The following CANT1 variants were observed in gnomAD, a reference collection of about 807,000 sequenced individuals.
CANT1 encodes the protein soluble calcium-activated nucleotidase 1.
A neutral mutation model predicts 30.0 loss-of-function variants in CANT1; 26 were observed. The ratio of observed to expected loss-of-function variants is 0.87; its 90% confidence interval spans 0.64 to 1.20. The LOEUF (loss-of-function observed/expected upper bound fraction) is 1.20, where lower values mean the gene tolerates loss of function less well. Among genes scored for constraint, CANT1 ranks in the 50% most tolerant of loss-of-function variants. The probability of loss-of-function intolerance (pLI) is 0.00; values close to 1 mark genes in which losing one functional copy is unlikely to be tolerated. For missense variants in CANT1, 518 were observed against 563.0 expected (o/e 0.92, Z 0.81); for synonymous variants, 246 against 251.8 (o/e 0.98, Z 0.22).
At chr17:79,000,226 G>A (rs1225362042) in intron 1 of CANT1, 3 of 152,228 alleles carry the variant, frequency 2.0e-5, no homozygotes, top group Admixed American at 6.5e-5. Flanking sequence ...CGTGTCCACA[G>A]TGGTCTGGTT....
intron 1 of CANT1, chr17:79,000,390 C>CA (rs2071213039): frequency 6.5e-6 from 1 of 152,878 alleles, no homozygotes; most frequent in African/African-American, 2.4e-5. Flanking sequence ...TGTCCTCTTC[C>CA]ATGGCCCTTC....
rs367715703 is a variant in CANT1, at chr17:78,997,008, G to A, written c.615C>T (p.Asp205=). Residue 205 remains aspartate, a synonymous_variant, in exon 3 of 5, where the codon GAC becomes GAT. Transcript: ENST00000392446. The surrounding 1 kb of genome is among the most constrained non-coding windows in gnomAD (Gnocchi z 7.5). ...AVPWVILSDG[D]GTVEKGFKAE... ...TCCAGTTACCTTTCTCCACGGTGCC[G>A]TCGCCGTCGGACAGAATCACCCAGG... The A allele has an allele frequency of 2.5e-5, 40 of 1,614,000 alleles. No individual in the cohort carries two copies. Among genetic ancestry groups the A allele is most frequent in the Non-Finnish European group, 3.1e-5 (37 of 1,180,042 alleles).
Position 78,991,844 on chromosome 17 carries a change from C to T in CANT1, c.*1706G>A, listed in dbSNP as rs1383386940. 4.3e-6 allele frequency: 1 copy of T among 230,424 alleles called. No individual in the cohort carries two copies. Among genetic ancestry groups the T allele is most frequent in the Admixed American group, 5.6e-5 (1 of 17,700 alleles). The allele number at this position is 230,424 out of a possible 1,614,324, so 14.3% of individuals were successfully genotyped here. On this transcript the variant is annotated 3_prime_UTR_variant, in exon 5 of 5. Transcript: ENST00000392446. ...GGTGAGCTTTAAAGTAATCGCAAAT[C>T]ACTGCCTATGCGAAGAGGCTGCTTC...
chr17:78,992,646 G>A lies in CANT1; in HGVS notation c.*904C>T, dbSNP rs1220594190. 1.8e-6 allele frequency: 1 copy of A among 568,572 alleles called. No homozygotes were observed. 35.2% of individuals were successfully genotyped at this position (568,572 alleles called of 1,614,324 possible). On this transcript the variant is annotated 3_prime_UTR_variant, in exon 5 of 5. Transcript: ENST00000392446. ...AGTCTTGAAAGGCATGAGGATTTCT[G>A]ACAGTTCCTAGAAAAAGGCAACATT...
At chr17:79,001,128 C>T (rs1423970059) in intron 1 of CANT1, among the ~76,000 whole-genome samples, 1 of 152,196 alleles carries the variant, frequency 6.6e-6, no homozygotes, top group African/African-American at 2.4e-5. Flanking sequence ...ACGGTGCTTG[C>T]CAGCACAGAA....
rs1275165760 is a variant in CANT1, at chr17:79,002,718, C to T, written c.-146-4755G>A. Among the ~76,000 whole-genome samples, 2 of 152,218 alleles carry T rather than the reference C, an allele frequency of 1.3e-5. No individual in the cohort carries two copies. The highest frequency in any genetic ancestry group is 4.8e-5 in the African/African-American group (2 of 41,468). ...GGTCAAGACCATCTCAAATCACCCTCCACAAAACTGACAGAATAATTTTTC... is the reference window on the plus strand; with the variant it reads ...GGTCAAGACCATCTCAAATCACCCTTCACAAAACTGACAGAATAATTTTTC... On this transcript the variant is annotated intron_variant, in intron 1 of 4. Coordinates refer to ENST00000392446, the MANE Select transcript of CANT1 (RefSeq NM_001159773.2). The surrounding 1 kb of genome is among the most constrained non-coding windows in gnomAD (Gnocchi z 4.0).
Position 78,997,090 on chromosome 17 carries a change from TAG to T in CANT1, c.531_532del (p.Tyr178LeufsTer4), listed in dbSNP as rs766493688. 7 of 1,613,958 alleles carry T rather than the reference TAG, an allele frequency of 4.3e-6. No individual in the cohort carries two copies. Among genetic ancestry groups the T allele is most frequent in the Non-Finnish European group, 5.1e-6 (6 of 1,180,014 alleles). On this transcript the variant is annotated frameshift_variant, in exon 3 of 5. Coordinates refer to ENST00000392446, the MANE Select transcript of CANT1 (RefSeq NM_001159773.2). LOFTEE classifies it high-confidence loss of function. The surrounding 1 kb of genome is among the most constrained non-coding windows in gnomAD (Gnocchi z 7.5). ...GACCCCCGTCCGGTCATCCACGGAG[TAG>T]AGTTTCCCATTGAAAACAATCAGGT...
intron 1 of CANT1, among the ~76,000 whole-genome samples, chr17:79,005,143 G>A (rs1214810419): frequency 3.9e-5 from 4 of 102,864 alleles, no homozygotes; most frequent in African/African-American, 1.9e-4. Context: ...GATTTAGGGA[G>A]GGGGGAGTTA....
chr17:79,003,975 G>T (rs1425538038), intron 1 of CANT1, among the ~76,000 whole-genome samples: 1 of 89,610 alleles, frequency 1.1e-5, no homozygotes, highest in Admixed American at 1.1e-4. Flanking sequence ...AGTTGGGGGG[G>T]AGTTAGGGAG....
chr17:78,994,047 C>T, intron 4 of CANT1, 127 bp from the exon 5 acceptor site: 3 of 1,276,668 alleles, frequency 2.3e-6, no homozygotes, highest in East Asian at 2.6e-5. Context: ...CACAGCAACC[C>T]GCCCCTCCCT....
At position 78,998,020 on chromosome 17, in the gene CANT1, G is replaced by A. The variant is rs1331491392; in HGVS notation, c.-146-57C>T. 2 of 254,496 alleles carry A rather than the reference G, an allele frequency of 7.9e-6. No individual in the cohort carries two copies. Among genetic ancestry groups the A allele is most frequent in the Admixed American group, 9.7e-5 (2 of 20,528 alleles). The allele number at this position is 254,496 out of a possible 1,614,324, so 15.8% of individuals were successfully genotyped here. A position where few individuals can be genotyped will look rare whatever the true frequency, so the allele number is the denominator to read the frequency against. ...GAGGGGAAGGCTGACGGGGTGAAGT[G>A]GGATAGGATCATAGACAGGGTACAG... On this transcript the variant is annotated intron_variant, in intron 1 of 4. Coordinates refer to ENST00000392446, the MANE Select transcript of CANT1 (RefSeq NM_001159773.2). The surrounding 1 kb of genome is among the most constrained non-coding windows in gnomAD (Gnocchi z 4.5).
chr17:79,009,258 T>C (rs1379775921), intron 1 of CANT1, among the ~76,000 whole-genome samples: 1 of 135,248 alleles, frequency 7.4e-6, no homozygotes. Context: ...AAGGGGGGTG[T>C]CCCACACTAA....
chr17:79,000,661 C>T (rs1336962045), intron 1 of CANT1, among the ~76,000 whole-genome samples: 1 of 152,222 alleles, frequency 6.6e-6, no homozygotes, highest in East Asian at 1.9e-4. Context: ...CGGCTGGCTA[C>T]ATAGACCTCC....
chr17:79,002,220 T>C lies in CANT1; in HGVS notation c.-146-4257A>G, dbSNP rs1054786220. ...TGGCCCAAGACAATTCTTCTTCCAA[T>C]GTGGCCCAGGGAAGCCAAAAGATTG... On this transcript the variant is annotated intron_variant, in intron 1 of 4. Coordinates refer to ENST00000392446, the MANE Select transcript of CANT1 (RefSeq NM_001159773.2). The surrounding 1 kb of genome is among the most constrained non-coding windows in gnomAD (Gnocchi z 4.0). 1.3e-5 allele frequency among the ~76,000 whole-genome samples: 2 copies of C among 152,190 alleles called. No individual in the cohort carries two copies. Among genetic ancestry groups the C allele is most frequent in the African/African-American group, 4.8e-5 (2 of 41,448 alleles).
At position 78,995,009 on chromosome 17, in the gene CANT1, G is replaced by T. The variant is rs746868917; in HGVS notation, c.835+9C>A. 5.1e-6 allele frequency: 8 copies of T among 1,558,686 alleles called. No individual in the cohort carries two copies. Among genetic ancestry groups the T allele is most frequent in the Non-Finnish European group, 6.9e-6 (8 of 1,152,804 alleles). On this transcript the variant is annotated intron_variant, in intron 4 of 4. Transcript: ENST00000392446. The surrounding 1 kb of genome is among the most constrained non-coding windows in gnomAD (Gnocchi z 5.7). ...AGCCACACTGTGGGCTGGGGCAGGC[G>T]TCTCTTACCTGGCGGCTGGATGCCG... is the stretch of plus-strand genomic sequence containing the variant.
Position 78,993,938 on chromosome 17 carries a change from G to A in CANT1, c.836-18C>T, listed in dbSNP as rs1259863674. The A allele has an allele frequency of 5.1e-6, 8 of 1,558,992 alleles. No homozygotes were observed. Among genetic ancestry groups the A allele is most frequent in the South Asian group, 2.3e-5 (2 of 86,000 alleles). On this transcript the variant is annotated intron_variant, in intron 4 of 4. Coordinates refer to ENST00000392446, the MANE Select transcript of CANT1 (RefSeq NM_001159773.2). The surrounding 1 kb of genome is among the most constrained non-coding windows in gnomAD (Gnocchi z 4.5). The stretch of plus-strand genomic sequence containing the variant: ...GAGGTAGCCTGGGAACCGGGTGACC[G>A]CGGGTCAGACACGCATGCGGCCTGG...
intron 4 of CANT1, among the ~76,000 whole-genome samples, chr17:78,994,252 T>A (rs1168954882): frequency 6.6e-6 from 1 of 151,730 alleles, no homozygotes; most frequent in East Asian, 2.0e-4. Flanking sequence ...CCATTGGATG[T>A]GGGGAGGCAT....
chr17:78,999,749 G>A (rs2071186338), intron 1 of CANT1, among the ~76,000 whole-genome samples: 1 of 149,586 alleles, frequency 6.7e-6, no homozygotes, highest in Admixed American at 6.9e-5. Flanking sequence ...CGCCTCCTGG[G>A]TTCAAGTGAT....
Position 78,993,382 on chromosome 17 carries a change from G to T in CANT1, c.*168C>A. ...CAGTTCAGACCGCGGCCTCCGTGGGGCCCGGGGGTCCAGTGCCCGCACCAC... is the reference window on the plus strand; with the variant it reads ...CAGTTCAGACCGCGGCCTCCGTGGGTCCCGGGGGTCCAGTGCCCGCACCAC... On this transcript the variant is annotated 3_prime_UTR_variant, in exon 5 of 5. Coordinates refer to ENST00000392446, the MANE Select transcript of CANT1 (RefSeq NM_001159773.2). The surrounding 1 kb of genome is among the most constrained non-coding windows in gnomAD (Gnocchi z 4.5). 1.0e-6 allele frequency: 1 copy of T among 960,938 alleles called. No individual in the cohort carries two copies. The highest frequency in any genetic ancestry group is 1.6e-6 in the Non-Finnish European group (1 of 639,266). The allele number at this position is 960,938 out of a possible 1,614,324, so 59.5% of individuals were successfully genotyped here. A position where few individuals can be genotyped will look rare whatever the true frequency, so the allele number is the denominator to read the frequency against.
Sources: gnomAD v4.1 joint callset for allele counts (sites outside exome capture counted in the v4.1 genomes callset) on GRCh38, gnomAD v4.1.1 for gene constraint, Gnocchi (gnomAD v3.1) non-coding constraint, MANE v1.5 for transcripts, NCBI Gene and HGNC (gene_info 2026-07-23, HGNC 2026-07-21) for gene names.